COL25A1: variants seen among roughly 807,000 people sequenced by gnomAD.
COL25A1 encodes the protein collagen alpha-1(XXV) chain.
In COL25A1, 103 loss-of-function variants were observed where a neutral mutation model predicts 128.4. The observed-to-expected ratio is 0.80, with a 90% CI of 0.68 to 0.94. COL25A1 has a LOEUF of 0.94. COL25A1 is among the 40% of genes least tolerant of loss of function. The pLI is 0.00. For synonymous variants in COL25A1, 279 were observed against 277.2 expected (o/e 1.01, Z -0.06); for missense variants, 745 against 840.0 (o/e 0.89, Z 1.40).
rs775344376 is a variant in COL25A1, at chr4:108,852,923, C to T, written c.1323G>A (p.Arg441=). Residue 441 remains arginine, a splice_region_variant and synonymous_variant, in exon 25 of 38, where the codon AGG becomes AGA. Coordinates refer to ENST00000399132, the MANE Select transcript of COL25A1 (RefSeq NM_198721.4). Reference sequence around the variant, plus strand: ...TTACCGTGACAGTTAAGGTGGTAATCCTCTGTTGGGAAAATGTGTTGACAA... The same window carrying T: ...TTACCGTGACAGTTAAGGTGGTAATTCTCTGTTGGGAAAATGTGTTGACAA... ...YNGNLHEALQ[R]ITTLTVTGPP... The T allele has an allele frequency of 5.0e-6, 8 of 1,610,352 alleles. No homozygotes were observed. Among genetic ancestry groups the T allele is most frequent in the Non-Finnish European group, 6.8e-6 (8 of 1,178,118 alleles).
intron 3 of COL25A1, among the ~76,000 whole-genome samples, chr4:109,286,892 A>G (rs797018637): frequency 9.8e-5 from 15 of 152,294 alleles, no homozygotes; most frequent in African/African-American, 3.4e-4. Flanking sequence ...CTGATCCAAC[A>G]TTTAGGAGGG....
At chr4:108,852,117 A>C in intron 26 of COL25A1, 119 bp downstream of exon 26, 1 of 767,772 alleles carries the variant, frequency 1.3e-6, no homozygotes, top group Non-Finnish European at 2.2e-6. Flanking sequence ...CTCTAAAACA[A>C]TACTGTTGAT....
At chr4:109,129,940 A>G in intron 3 of COL25A1, among the ~76,000 whole-genome samples, 1 of 152,050 alleles carries the variant, frequency 6.6e-6, no homozygotes, top group Non-Finnish European at 1.5e-5. Flanking sequence ...AGCATGGCAC[A>G]TGTATACATA....
rs533824210 is a variant in COL25A1 at position 109,014,082 on chromosome 4, G to A, written c.421-3707C>T. Among the ~76,000 whole-genome samples the A allele has an allele frequency of 1.2e-3, 176 of 152,254 alleles. 3 individuals carry two copies. In the South Asian group the frequency reaches 0.035, roughly 30 times the overall value. On this transcript the variant is annotated intron_variant, in intron 5 of 37. Coordinates refer to ENST00000399132, the MANE Select transcript of COL25A1 (RefSeq NM_198721.4). ...AGCACTTTGGGAGGCCGAGGTGGGC[G>A]GTTCACTTGAGGTCAGGGGTTTGAG...
chr4:108,817,382 T>G lies in COL25A1; in HGVS notation c.1962+15A>C. 3.1e-6 allele frequency: 5 copies of G among 1,612,768 alleles called. No individual in the cohort carries two copies. Among genetic ancestry groups the G allele is most frequent in the South Asian group, 1.1e-5 (1 of 91,020 alleles). ...GGAGAGTGCTTCTTTTGAGAAATTATTCAGTAAAGCCTACCTTTTGCCAAC... is the reference window on the plus strand; with the variant it reads ...GGAGAGTGCTTCTTTTGAGAAATTAGTCAGTAAAGCCTACCTTTTGCCAAC... On this transcript the variant is annotated intron_variant, in intron 37 of 37. Coordinates refer to ENST00000399132, the MANE Select transcript of COL25A1 (RefSeq NM_198721.4).
intron 3 of COL25A1, among the ~76,000 whole-genome samples, chr4:109,121,537 T>C (rs180983728): frequency 4.6e-5 from 7 of 152,180 alleles, no homozygotes; most frequent in Admixed American, 1.3e-4. Context: ...CAGTGGCATA[T>C]GTCATTAGGA....
In COL25A1 at chr4:109,165,203, A is replaced by T. The variant is rs2526437; in HGVS notation, c.368-115024T>A. 7.6e-3 allele frequency among the ~76,000 whole-genome samples: 1,159 copies of T among 152,104 alleles called. 18 individuals are homozygous for T. Among genetic ancestry groups the T allele is most frequent in the African/African-American group, 0.027 (1,104 of 41,492 alleles). On this transcript the variant is annotated intron_variant, in intron 3 of 37. Coordinates refer to ENST00000399132, the MANE Select transcript of COL25A1 (RefSeq NM_198721.4). ...TAATAATCAGGAAAGGGCGATTTAAATTTTTTTTAAGTTTTATAGCTTTCA... is the reference window on the plus strand; with the variant it reads ...TAATAATCAGGAAAGGGCGATTTAATTTTTTTTTAAGTTTTATAGCTTTCA...
intron 3 of COL25A1, among the ~76,000 whole-genome samples, chr4:109,060,445 C>T (rs772521700): frequency 1.4e-4 from 22 of 152,052 alleles, no homozygotes; most frequent in Admixed American, 4.6e-4. Context: ...TATCACATAG[C>T]GTAATGATAA....
At chr4:108,827,765 C>T (rs1732559274) in intron 32 of COL25A1, among the ~76,000 whole-genome samples, 1 of 152,078 alleles carries the variant, frequency 6.6e-6, no homozygotes, top group African/African-American at 2.4e-5. Context: ...AAGCAATCCT[C>T]CCACCTTGGA....
chr4:108,948,998 A>T (rs140624121), intron 8 of COL25A1, among the ~76,000 whole-genome samples: 1 of 152,302 alleles, frequency 6.6e-6, no homozygotes, highest in East Asian at 1.9e-4. Context: ...CCCTAATGAC[A>T]TACACCTAAG....
chr4:108,888,284 G>A (rs1475405696), intron 18 of COL25A1, among the ~76,000 whole-genome samples: 1 of 152,016 alleles, frequency 6.6e-6, no homozygotes, highest in Non-Finnish European at 1.5e-5. Context: ...ACATCTTCAG[G>A]TTCCAAAATA....
At chr4:108,975,848 T>C (rs1752380582) in intron 6 of COL25A1, among the ~76,000 whole-genome samples, 1 of 152,178 alleles carries the variant, frequency 6.6e-6, no homozygotes. Flanking sequence ...CTTGGCCTAC[T>C]GAATTGTCCT....
chr4:109,271,596 T>C (rs1782202591), intron 3 of COL25A1, among the ~76,000 whole-genome samples: 1 of 152,208 alleles, frequency 6.6e-6, no homozygotes, highest in Non-Finnish European at 1.5e-5. Flanking sequence ...AAAGCCTCTG[T>C]AATTCATTAT....
chr4:108,986,822 T>C (rs1455890326), intron 6 of COL25A1, among the ~76,000 whole-genome samples: 1 of 152,210 alleles, frequency 6.6e-6, no homozygotes, highest in African/African-American at 2.4e-5. Context: ...GATGATAAAA[T>C]GGTGGTTATG....
chr4:108,966,293 G>T (rs1190014041), intron 8 of COL25A1, among the ~76,000 whole-genome samples: 1 of 152,124 alleles, frequency 6.6e-6, no homozygotes, highest in African/African-American at 2.4e-5. Flanking sequence ...TGTGTGGCCT[G>T]CATAAACTGA....
intron 3 of COL25A1, among the ~76,000 whole-genome samples, chr4:109,098,429 T>C (rs540142568): frequency 6.6e-6 from 1 of 152,200 alleles, no homozygotes; most frequent in Non-Finnish European, 1.5e-5. Flanking sequence ...AGGAGACCCA[T>C]AATCCATGTA....
chr4:108,882,240 A>C (rs1179032093), intron 19 of COL25A1, among the ~76,000 whole-genome samples: 1 of 149,354 alleles, frequency 6.7e-6, no homozygotes, highest in African/African-American at 2.4e-5. Context: ...TAAGATGATA[A>C]ATAGTATAAT....
In COL25A1 at chr4:108,974,108, T is replaced by C. The variant is rs572064108; in HGVS notation, c.492+259A>G. 1.3e-4 allele frequency among the ~76,000 whole-genome samples: 20 copies of C among 152,346 alleles called. No individual in the cohort carries two copies. In the South Asian group the frequency reaches 4.1e-3, roughly 32 times the overall value. On this transcript the variant is annotated intron_variant, in intron 8 of 37. Coordinates refer to ENST00000399132, the MANE Select transcript of COL25A1 (RefSeq NM_198721.4). ...CGGGAAAGGTGGCTGCTATTGATTC[T>C]TAGAAGTGATTCTGGCCCTTACTCA... is the stretch of plus-strand genomic sequence containing the variant.
chr4:109,004,902 C>T (rs916743946), intron 6 of COL25A1, among the ~76,000 whole-genome samples: 1 of 151,932 alleles, frequency 6.6e-6, no homozygotes, highest in South Asian at 2.1e-4. Flanking sequence ...GAATGTTCAG[C>T]CTATGCGAGA....
Sources: gnomAD v4.1 joint callset for allele counts (sites outside exome capture counted in the v4.1 genomes callset) on GRCh38, gnomAD v4.1.1 for gene constraint, MANE v1.5 for transcripts, NCBI Gene and HGNC (gene_info 2026-07-23, HGNC 2026-07-21) for gene names.